The following TRPC4 variants were observed in gnomAD, a reference collection of about 807,000 sequenced individuals.
TRPC4 encodes the protein short transient receptor potential channel 4.
Under a neutral mutation model 99.4 loss-of-function variants are expected in TRPC4, and 49 were observed. The ratio of observed to expected loss-of-function variants is 0.49; its 90% CI spans 0.39 to 0.63. TRPC4 has a LOEUF of 0.63. TRPC4 is among the 20% of genes least tolerant of loss of function. The pLI, the probability that TRPC4 is intolerant of heterozygous loss-of-function variation, is 0.00. For synonymous variants in TRPC4, 454 were observed against 425.9 expected (o/e 1.07, Z -0.81); for missense variants, 898 against 1,152.9 (o/e 0.78, Z 3.20).
At chr13:37,649,764 C>A (rs138101544) in intron 8 of TRPC4, among the ~76,000 whole-genome samples, 11,194 of 83,668 alleles carry the variant, frequency 0.13, 1,269 homozygotes, top group East Asian at 0.63. Flanking sequence ...AAAAAAACAA[C>A]AACAAAGAAC....
chr13:37,672,369 C>G (rs375842315), intron 5 of TRPC4, among the ~76,000 whole-genome samples: 10 of 152,278 alleles, frequency 6.6e-5, no homozygotes, highest in African/African-American at 2.4e-4. Context: ...TAGAACAGGT[C>G]TATACAATGC....
rs747573040 is a variant in TRPC4 at position 37,637,082 on chromosome 13, G to T, written c.2755C>A (p.Leu919Met). The part of the protein sequence containing the change: ...VDHRERNTDT[L>M]GLQVGKRVCP... The stretch of plus-strand genomic sequence containing the variant: ...ACTCTCTTTCCTACCTGTAACCCCA[G>T]TGTGTCCGTATTCCTTTCTCTATGG... Residue 919 changes from leucine (L) to methionine (M), a missense_variant, in exon 11 of 11, where the codon CTG (leucine) becomes ATG (methionine). Physicochemically the swap from Leu to Met is conservative, Grantham distance 15 (BLOSUM62 2). Around this residue, in one of 3 missense-constraint regions of TRPC4, gnomAD observed 346 missense variants for 351.4 expected, o/e 0.98. Transcript: ENST00000379705. 1.9e-6 allele frequency: 3 copies of T among 1,613,704 alleles called. No individual in the cohort carries two copies. The highest frequency in any genetic ancestry group is 2.2e-5 in the East Asian group (1 of 44,876).
At chr13:37,829,376 T>A (rs1029643435) in intron 1 of TRPC4, among the ~76,000 whole-genome samples, 1 of 152,202 alleles carries the variant, frequency 6.6e-6, no homozygotes, top group Non-Finnish European at 1.5e-5. Flanking sequence ...ATATCATAAG[T>A]CATTAGTGAA....
At chr13:37,733,915 ATAGG>A (rs901507812) in intron 3 of TRPC4, among the ~76,000 whole-genome samples, 8 of 152,172 alleles carry the variant, frequency 5.3e-5, no homozygotes, top group Admixed American at 5.2e-4. Context: ...AAAGGGAATA[ATAGG>A]TAGGAGAAAA....
chr13:37,861,269 T>G (rs573603831), intron 1 of TRPC4, among the ~76,000 whole-genome samples: 1 of 151,544 alleles, frequency 6.6e-6, no homozygotes, highest in Non-Finnish European at 1.5e-5. Context: ...TTTACATTTT[T>G]AAAAAAATCA....
At chr13:37,665,710 C>T (rs1296151796) in intron 5 of TRPC4, among the ~76,000 whole-genome samples, 3 of 152,004 alleles carry the variant, frequency 2.0e-5, no homozygotes, top group East Asian at 3.9e-4. Context: ...AGGAAAGATG[C>T]TATGCATTGC....
chr13:37,759,989 G>A lies in TRPC4; in HGVS notation c.379-13534C>T, dbSNP rs1026193304. Among the ~76,000 whole-genome samples the A allele has an allele frequency of 3.3e-5, 5 of 151,966 alleles. No homozygotes were observed. In the East Asian group the frequency reaches 9.7e-4, roughly 29 times the overall value. ...TTGTGTGAAATATTGTGATGCCATTGAATATTTGAATTAGCAGTAATGTTG... is the reference window on the plus strand; with the variant it reads ...TTGTGTGAAATATTGTGATGCCATTAAATATTTGAATTAGCAGTAATGTTG... On this transcript the variant is annotated intron_variant, in intron 2 of 10. Coordinates refer to ENST00000379705, the MANE Select transcript of TRPC4 (RefSeq NM_016179.4).
At chr13:37,810,517 A>T (rs191441703) in intron 1 of TRPC4, among the ~76,000 whole-genome samples, 49 of 152,084 alleles carry the variant, frequency 3.2e-4, no homozygotes, top group Non-Finnish European at 5.7e-4. Flanking sequence ...CAAAGGTTTA[A>T]TCAAAATTCT....
At chr13:37,842,431 AAAAAG>A (rs1236236943) in intron 1 of TRPC4, among the ~76,000 whole-genome samples, 4 of 151,432 alleles carry the variant, frequency 2.6e-5, no homozygotes, top group African/African-American at 7.3e-5. Flanking sequence ...AAATATTCTT[AAAAAG>A]AAAAAGAAAG....
Position 37,654,833 on chromosome 13 carries a change from C to T in TRPC4, c.1884+255G>A, listed in dbSNP as rs192334850. ...TAGTCAGACCTCAGCTACTACTTCC[C>T]ATAGCCAATGGCTGCCTGGCAAAAT... On this transcript the variant is annotated intron_variant, in intron 7 of 10. Transcript: ENST00000379705. Among the ~76,000 whole-genome samples the T allele has an allele frequency of 1.5e-3, 229 of 152,266 alleles. 2 individuals are homozygous for T. The highest frequency in any genetic ancestry group is 5.1e-3 in the African/African-American group (214 of 41,560).
intron 8 of TRPC4, among the ~76,000 whole-genome samples, chr13:37,643,800 G>T (rs1315686611): frequency 6.6e-6 from 1 of 152,176 alleles, no homozygotes; most frequent in Non-Finnish European, 1.5e-5. Flanking sequence ...TTCATTGATA[G>T]TCATTTAGCA....
chr13:37,846,761 A>G (rs7491152), intron 1 of TRPC4, among the ~76,000 whole-genome samples: 38,608 of 152,008 alleles, frequency 0.25, 5,410 homozygotes, highest in East Asian at 0.43. Flanking sequence ...ATAAAAAGAC[A>G]TAGATTGGCT....
intron 3 of TRPC4, among the ~76,000 whole-genome samples, chr13:37,730,241 G>A (rs1373819350): frequency 6.6e-6 from 1 of 151,914 alleles, no homozygotes; most frequent in Non-Finnish European, 1.5e-5. Flanking sequence ...TAGTTTCAGG[G>A]ATGGGGAGGT....
intron 1 of TRPC4, among the ~76,000 whole-genome samples, chr13:37,862,920 G>T (rs998606412): frequency 6.6e-6 from 1 of 151,350 alleles, no homozygotes; most frequent in East Asian, 1.9e-4. Flanking sequence ...TATACATGAC[G>T]GTGGGCCCAT....
In TRPC4 at chr13:37,838,283, G is replaced by A. The variant is rs183221474; in HGVS notation, c.-28+31312C>T. On this transcript the variant is annotated intron_variant, in intron 1 of 10. Coordinates refer to ENST00000379705, the MANE Select transcript of TRPC4 (RefSeq NM_016179.4). ...TGTGGTCTCCAGATCAGCAGTATCT[G>A]TGTCACCTGGGAACTTATTAGGAAT... is the stretch of plus-strand genomic sequence containing the variant. 3.1e-3 allele frequency among the ~76,000 whole-genome samples: 475 copies of A among 152,278 alleles called. 3 individuals are homozygous for A. Among genetic ancestry groups the A allele is most frequent in the African/African-American group, 0.011 (454 of 41,556 alleles).
intron 2 of TRPC4, among the ~76,000 whole-genome samples, chr13:37,757,744 TAAAG>T (rs909745233): frequency 1.3e-5 from 2 of 151,822 alleles, no homozygotes; most frequent in Non-Finnish European, 1.5e-5. Context: ...TACTGAAAGA[TAAAG>T]AACACCTGGA....
At chr13:37,679,791 T>A (rs1020172217) in intron 4 of TRPC4, among the ~76,000 whole-genome samples, 1 of 152,228 alleles carries the variant, frequency 6.6e-6, no homozygotes, top group African/African-American at 2.4e-5. Context: ...TAATAATATT[T>A]ACTACCTCCA....
In TRPC4 at chr13:37,682,045, C is replaced by A. The variant is rs1194905965; in HGVS notation, c.1235-7678G>T. 2.0e-5 allele frequency among the ~76,000 whole-genome samples: 3 copies of A among 152,194 alleles called. No individual in the cohort carries two copies. The East Asian group carries it at 5.8e-4, about 29-fold the overall frequency. On this transcript the variant is annotated intron_variant, in intron 4 of 10. Coordinates refer to ENST00000379705, the MANE Select transcript of TRPC4 (RefSeq NM_016179.4). ...TGAGGATGTGATGGGGTAGGCAATG[C>A]TCAGATGCCACATTTAACAGCACCA...
intron 1 of TRPC4, among the ~76,000 whole-genome samples, chr13:37,796,923 C>G (rs930157839): frequency 1.3e-3 from 8 of 6,338 alleles, no homozygotes; most frequent in Non-Finnish European, 4.2e-4. Context: ...CAAAACTCCT[C>G]TCTACAAAAA....
Sources: allele counts gnomAD v4.1 joint callset (sites outside exome capture counted in the v4.1 genomes callset), GRCh38; gene constraint gnomAD v4.1.1; regional missense constraint gnomAD v4.1.1; transcripts MANE v1.5; gene names NCBI Gene and HGNC (gene_info 2026-07-23, HGNC 2026-07-21).